MICU3: variants seen among roughly 807,000 people sequenced by gnomAD.
The protein encoded by MICU3 is calcium uptake protein 3, mitochondrial.
A neutral mutation model predicts 66.5 loss-of-function variants in MICU3; 62 were observed. The ratio of observed to expected loss-of-function variants is 0.93; its 90% CI spans 0.76 to 1.15. MICU3 has a LOEUF of 1.15. MICU3 is among the 50% of genes most tolerant of loss of function. The pLI is 0.00. For missense variants in MICU3, 779 were observed against 664.4 expected (o/e 1.17, Z -1.90); for synonymous variants, 308 against 240.7 (o/e 1.28, Z -2.59).
chr8:17,114,262 T>G, intron 12 of MICU3, 61 bp downstream of exon 12: 1 of 1,098,262 alleles, frequency 9.1e-7, no homozygotes, highest in East Asian at 2.4e-5. Context: ...TCTATAGATT[T>G]TGGCAACCAA....
intron 1 of MICU3, among the ~76,000 whole-genome samples, chr8:17,060,164 G>A (rs1817594881): frequency 6.6e-6 from 1 of 152,126 alleles, no homozygotes; most frequent in Non-Finnish European, 1.5e-5. Context: ...ACCAACCCAA[G>A]TATTGAGTTT....
chr8:17,086,409 C>T (rs1367319579), intron 6 of MICU3, among the ~76,000 whole-genome samples: 1 of 152,078 alleles, frequency 6.6e-6, no homozygotes, highest in Non-Finnish European at 1.5e-5. Flanking sequence ...CAGCCCTTGC[C>T]CACGTGTAGT....
intron 1 of MICU3, among the ~76,000 whole-genome samples, chr8:17,040,528 A>C (rs552219665): frequency 2.6e-5 from 4 of 152,328 alleles, no homozygotes; most frequent in African/African-American, 9.6e-5. Context: ...AGCATTAATG[A>C]TTGGATACTG....
intron 8 of MICU3, 30 bp downstream of exon 8, chr8:17,090,614 G>A (rs1037486712): frequency 5.9e-6 from 9 of 1,528,266 alleles, no homozygotes; most frequent in Non-Finnish European, 7.2e-6. Context: ...TGTTCTTTAT[G>A]TATATAGCCC....
chr8:17,091,257 AAGTC>A (rs1257226624), intron 8 of MICU3, among the ~76,000 whole-genome samples: 9 of 152,030 alleles, frequency 5.9e-5, no homozygotes, highest in Non-Finnish European at 1.0e-4. Flanking sequence ...TCTCCTGAGA[AAGTC>A]AGCACTTTTG....
chr8:17,061,825 A>G (rs1255321025), intron 1 of MICU3, among the ~76,000 whole-genome samples: 1 of 152,208 alleles, frequency 6.6e-6, no homozygotes, highest in Admixed American at 6.5e-5. Flanking sequence ...CTGATCCCCG[A>G]GGACCATTCA....
At chr8:17,086,017 G>C (rs548999283) in intron 6 of MICU3, among the ~76,000 whole-genome samples, 1 of 151,756 alleles carries the variant, frequency 6.6e-6, no homozygotes, top group Admixed American at 6.6e-5. Flanking sequence ...GTATTCCTTA[G>C]AGTAACATGC....
At chr8:17,061,221 G>A (rs1224123561) in intron 1 of MICU3, among the ~76,000 whole-genome samples, 4 of 152,172 alleles carry the variant, frequency 2.6e-5, no homozygotes, top group Admixed American at 2.0e-4. Context: ...TTGATTGTTG[G>A]TAGAGGTAAA....
chr8:17,045,465 T>G (rs11989487), intron 1 of MICU3, among the ~76,000 whole-genome samples: 26,223 of 152,170 alleles, frequency 0.17, 4,336 homozygotes, highest in African/African-American at 0.43. Flanking sequence ...CAACATGGTT[T>G]TCCATGTTTT....
At chr8:17,105,940 ACT>A (rs1031033737) in intron 11 of MICU3, among the ~76,000 whole-genome samples, 19 of 152,054 alleles carry the variant, frequency 1.2e-4, no homozygotes, top group Admixed American at 9.8e-4. Context: ...TTTCTGTCAC[ACT>A]CTATTCCTTT....
At chr8:17,027,682 A>C (rs1811243723) in intron 1 of MICU3, 22 bp downstream of exon 1, 4 of 1,273,684 alleles carry the variant, frequency 3.1e-6, no homozygotes, top group Non-Finnish European at 4.0e-6. Flanking sequence ...AGCGCGCGTC[A>C]CACCTGCGCG....
At chr8:17,061,509 G>T (rs2150616886) in intron 1 of MICU3, among the ~76,000 whole-genome samples, 1 of 152,224 alleles carries the variant, frequency 6.6e-6, no homozygotes, top group Middle Eastern at 3.4e-3. Context: ...GTAGCACCAG[G>T]TAGAGACAGA....
chr8:17,103,573 T>C (rs1233248262), intron 9 of MICU3, among the ~76,000 whole-genome samples: 1 of 147,772 alleles, frequency 6.8e-6, no homozygotes, highest in Non-Finnish European at 1.5e-5. Flanking sequence ...AATGGCCAAC[T>C]GGAGAAGGAA....
intron 1 of MICU3, among the ~76,000 whole-genome samples, chr8:17,037,567 G>A (rs1813255923): frequency 6.6e-6 from 1 of 152,210 alleles, no homozygotes; most frequent in African/African-American, 2.4e-5. Context: ...GAGCCCTCAT[G>A]GAGAACCTCT....
chr8:17,098,296 G>A (rs1352642841), intron 8 of MICU3, among the ~76,000 whole-genome samples, 162 bp from the exon 9 acceptor site: 1 of 151,684 alleles, frequency 6.6e-6, no homozygotes. Flanking sequence ...TACCAGCAGT[G>A]TAATACAATA....
chr8:17,040,893 G>A (rs1813952552), intron 1 of MICU3, among the ~76,000 whole-genome samples: 1 of 152,162 alleles, frequency 6.6e-6, no homozygotes, highest in African/African-American at 2.4e-5. Flanking sequence ...TTATTCAAGT[G>A]TTTTGTCTTG....
At chr8:17,091,456 A>G (rs1239720050) in intron 8 of MICU3, among the ~76,000 whole-genome samples, 1 of 152,118 alleles carries the variant, frequency 6.6e-6, no homozygotes, top group Non-Finnish European at 1.5e-5. Context: ...AAAGTATTCT[A>G]GTTGTAGTGT....
chr8:17,064,951 G>C (rs1188911470), intron 2 of MICU3, among the ~76,000 whole-genome samples: 4 of 152,144 alleles, frequency 2.6e-5, no homozygotes. Flanking sequence ...GGTGGTAAAA[G>C]AGTAATGAGA....
intron 5 of MICU3, among the ~76,000 whole-genome samples, chr8:17,082,667 T>G (rs1156471459): frequency 6.6e-6 from 1 of 152,124 alleles, no homozygotes; most frequent in East Asian, 1.9e-4. Context: ...GAAAGAATAC[T>G]GCTAGTGGAA....
Sources: allele counts gnomAD v4.1 joint callset (sites outside exome capture counted in the v4.1 genomes callset), GRCh38; gene constraint gnomAD v4.1.1; transcripts MANE v1.5; gene names NCBI Gene and HGNC (gene_info 2026-07-23, HGNC 2026-07-21).